OSBPL9: variants seen among roughly 807,000 people sequenced by gnomAD.
OSBPL9 encodes oxysterol binding protein like 9.
In OSBPL9, 40 loss-of-function variants were observed where a neutral mutation model predicts 106.6. The ratio of observed to expected loss-of-function variants is 0.38; its 90% confidence interval spans 0.29 to 0.49. The LOEUF is 0.49. Ranked by LOEUF, OSBPL9 falls within the 20% of genes least tolerant of loss-of-function variation. The pLI is 0.97. For missense variants in OSBPL9, 609 were observed against 887.2 expected (o/e 0.69, Z 3.98); for synonymous variants, 269 against 295.4 (o/e 0.91, Z 0.92).
intron 1 of OSBPL9, among the ~76,000 whole-genome samples, chr1:51,625,166 T>G (rs889607894): frequency 1.3e-5 from 2 of 152,242 alleles, no homozygotes; most frequent in Non-Finnish European, 2.9e-5. Context: ...GCTTCCTGTG[T>G]TGTAGCAGAC....
chr1:51,611,148 AT>A (rs1373156414), intron 2 of OSBPL9, among the ~76,000 whole-genome samples: 2 of 150,944 alleles, frequency 1.3e-5, no homozygotes, highest in Non-Finnish European at 2.9e-5. Context: ...CTCCTAAAAT[AT>A]TTTCTCTCCC....
intron 4 of OSBPL9, among the ~76,000 whole-genome samples, chr1:51,714,751 G>A (rs1481131856): frequency 6.6e-6 from 1 of 152,100 alleles, no homozygotes; most frequent in Non-Finnish European, 1.5e-5. Context: ...ACCTTAATAG[G>A]AGTAACACAA....
At chr1:51,765,703 C>T (rs1014562245) in intron 11 of OSBPL9, 119 bp from the exon 12 acceptor site, 6 of 888,256 alleles carry the variant, frequency 6.8e-6, no homozygotes, top group East Asian at 2.7e-5. Flanking sequence ...AATACTGTAG[C>T]GACTTTTACA....
intron 11 of OSBPL9, 110 bp from the exon 12 acceptor site, chr1:51,765,712 C>A (rs1672412108): frequency 9.5e-7 from 1 of 1,051,510 alleles, no homozygotes; most frequent in Non-Finnish European, 1.3e-6. Flanking sequence ...GCGACTTTTA[C>A]AAACTTAACC....
At chr1:51,692,261 T>C (rs1051929981) in intron 3 of OSBPL9, among the ~76,000 whole-genome samples, 2 of 152,198 alleles carry the variant, frequency 1.3e-5, no homozygotes, top group African/African-American at 4.8e-5. Flanking sequence ...TGCAGTGAGC[T>C]CTGATTGTGC....
intron 4 of OSBPL9, among the ~76,000 whole-genome samples, chr1:51,740,481 T>G (rs1305793452): frequency 6.6e-6 from 1 of 152,090 alleles, no homozygotes; most frequent in Non-Finnish European, 1.5e-5. Flanking sequence ...TGTTAAGTTT[T>G]TAAGCTATTG....
At chr1:51,716,314 G>A (rs1661042306) in intron 4 of OSBPL9, among the ~76,000 whole-genome samples, 1 of 152,192 alleles carries the variant, frequency 6.6e-6, no homozygotes, top group African/African-American at 2.4e-5. Context: ...GAGCCAGAAT[G>A]TCTGTGTTTG....
chr1:51,536,839 A>G, the OSBPL9 span, among the ~76,000 whole-genome samples: 13 of 152,222 alleles, frequency 8.5e-5, no homozygotes, highest in African/African-American at 2.9e-4. Flanking sequence ...ATATGGGGAG[A>G]AACGTGGTGT....
intron 1 of OSBPL9, among the ~76,000 whole-genome samples, chr1:51,584,600 C>T (rs185333200): frequency 7.9e-5 from 12 of 152,182 alleles, no homozygotes; most frequent in Admixed American, 2.0e-4. Context: ...CCTGTAATCC[C>T]AGCTACTCAG....
intron 20 of OSBPL9, 106 bp from the exon 21 acceptor site, chr1:51,785,702 C>A: frequency 5.5e-6 from 5 of 914,756 alleles, no homozygotes; most frequent in South Asian, 3.0e-5. Context: ...TCAAAAACTT[C>A]ACAGTTGCTC....
intron 3 of OSBPL9, among the ~76,000 whole-genome samples, chr1:51,712,758 T>C (rs1660324359): frequency 6.6e-6 from 1 of 152,248 alleles, no homozygotes; most frequent in Admixed American, 6.5e-5. Flanking sequence ...TCTCCAAAAG[T>C]GTCTCCATTT....
At chr1:51,764,049 A>G (rs1264270952) in intron 11 of OSBPL9, among the ~76,000 whole-genome samples, 1 of 152,196 alleles carries the variant, frequency 6.6e-6, no homozygotes, top group Non-Finnish European at 1.5e-5. Flanking sequence ...TTTAAAGAAA[A>G]ATTTAAAATT....
Position 51,624,162 on chromosome 1 carries a change from C to T in OSBPL9, c.111+6941C>T, listed in dbSNP as rs962005168. Among the ~76,000 whole-genome samples the T allele has an allele frequency of 7.9e-5, 12 of 152,116 alleles. 1 individual carries two copies. The highest frequency in any genetic ancestry group is 2.4e-4 in the African/African-American group (10 of 41,428). ...GAACTCCTGACCTCAGATCATCCAC[C>T]TGCCTCAGCCTCCCAAAGTGCTGAG... On this transcript the variant is annotated intron_variant, in intron 1 of 23. Transcript: ENST00000428468.
intron 9 of OSBPL9, among the ~76,000 whole-genome samples, chr1:51,758,823 G>C (rs557426189): frequency 2.0e-5 from 3 of 152,064 alleles, no homozygotes; most frequent in African/African-American, 4.8e-5. Context: ...AGTTATTTTC[G>C]AGAAAAGCGC....
chr1:51,554,289 G>A, the OSBPL9 span, among the ~76,000 whole-genome samples: 1 of 152,132 alleles, frequency 6.6e-6, no homozygotes, highest in Admixed American at 6.5e-5. Context: ...GAGACAGCAA[G>A]GCTTGGATAG....
At chr1:51,652,777 T>C (rs1646597882) in intron 2 of OSBPL9, among the ~76,000 whole-genome samples, 2 of 152,170 alleles carry the variant, frequency 1.3e-5, no homozygotes, top group African/African-American at 4.8e-5. Context: ...TCATGCTGCT[T>C]TCAGTTTCCA....
At chr1:51,712,274 C>T (rs1161563190) in intron 3 of OSBPL9, among the ~76,000 whole-genome samples, 3 of 152,028 alleles carry the variant, frequency 2.0e-5, no homozygotes, top group East Asian at 1.9e-4. Context: ...TGGCGGCGCG[C>T]GCCTGCAATC....
Position 51,772,081 on chromosome 1 carries a change from C to T in OSBPL9, c.950C>T (p.Ser317Phe). 1.2e-6 allele frequency: 2 copies of T among 1,610,730 alleles called. No individual in the cohort carries two copies. Among genetic ancestry groups the T allele is most frequent in the Non-Finnish European group, 1.7e-6 (2 of 1,178,574 alleles). ...SPKRLIDSSG[S>F]ASVLTHSSSG... is the part of the protein sequence containing the mutation. ...TAATGTTTTTATAGTTCTTCTGGAT[C>T]TGCCTCAGTCCTGACACACAGCAGC... The change falls in exon 13 of 24, where the codon TCT becomes TTT. Residue 317 changes from serine (S) to phenylalanine (F), a missense_variant. Physicochemically the swap from Ser to Phe is radical, Grantham distance 155. Transcript: ENST00000428468.
chr1:51,706,025 AT>A lies in OSBPL9; in HGVS notation c.242-7973del, dbSNP rs553560287. On this transcript the variant is annotated intron_variant, in intron 3 of 23. Transcript: ENST00000428468. ...GTTTATTCTGTTAGATTTGCCTATA[AT>A]TTTTCTCTAATAACAGTCTTGTCAG... Among the ~76,000 whole-genome samples, 4 of 152,156 alleles carry A rather than the reference AT, an allele frequency of 2.6e-5. No individual in the cohort carries two copies. In the Middle Eastern group the frequency reaches 0.01, roughly 388 times the overall value.
Sources: gnomAD v4.1 joint callset for allele counts (sites outside exome capture counted in the v4.1 genomes callset) on GRCh38, gnomAD v4.1.1 for gene constraint, MANE v1.5 for transcripts, NCBI Gene and HGNC (gene_info 2026-07-23, HGNC 2026-07-21) for gene names.